The following LOXL1 variants were observed in gnomAD, a reference collection of about 807,000 sequenced individuals.
LOXL1 encodes lysyl oxidase like 1.
Under a neutral mutation model 62.2 loss-of-function variants are expected in LOXL1, and 31 were observed. That is an observed-to-expected ratio of 0.50 (90% confidence interval 0.37 to 0.67). LOXL1 has a LOEUF of 0.67. LOXL1 is among the 30% of genes least tolerant of loss of function. The probability of loss-of-function intolerance (pLI) is 0.00; values close to 1 mark genes in which losing one functional copy is unlikely to be tolerated. For synonymous variants in LOXL1, 403 were observed against 384.4 expected, an observed-to-expected ratio of 1.05 and a Z score of -0.56; for missense variants, 775 against 843.4, an observed-to-expected ratio of 0.92 and a Z score of 1.00.
intron 1 of LOXL1, among the ~76,000 whole-genome samples, chr15:73,932,404 T>G (rs1416588030): frequency 6.6e-6 from 1 of 152,106 alleles, no homozygotes; most frequent in Non-Finnish European, 1.5e-5. Context: ...AAAAAAAAAA[T>G]TTATATATTA....
In LOXL1 at chr15:73,951,861, A is replaced by G. The variant is rs777254353; in HGVS notation, c.*24A>G. The G allele has an allele frequency of 3.9e-6, 6 of 1,530,306 alleles. No homozygotes were observed. The highest frequency in any genetic ancestry group is 3.8e-5 in the Admixed American group (2 of 52,242). The allele number at this position is 1,530,306 out of a possible 1,614,324, so 94.8% of individuals were successfully genotyped here. On this transcript the variant is annotated 3_prime_UTR_variant, in exon 7 of 7. Coordinates refer to ENST00000261921, the MANE Select transcript of LOXL1 (RefSeq NM_005576.4). ...GATCTCCGGGAGGGACAGATGGCCA[A>G]TCTCTCCCCTTCCAAAGCAGGCCCT...
intron 1 of LOXL1, among the ~76,000 whole-genome samples, chr15:73,941,562 C>G (rs1252141737): frequency 6.6e-6 from 1 of 152,204 alleles, no homozygotes; most frequent in East Asian, 1.9e-4. Context: ...CCTGCTCTCA[C>G]CCTTCCTGAA....
rs2068739583 is a variant in LOXL1, at chr15:73,945,139, C to T, written c.1212-1278C>T. Among the ~76,000 whole-genome samples, 1 of 152,214 alleles carries T rather than the reference C, an allele frequency of 6.6e-6. No individual in the cohort carries two copies. Among genetic ancestry groups the T allele is most frequent in the South Asian group, 2.1e-4 (1 of 4,834 alleles). On this transcript the variant is annotated intron_variant, in intron 2 of 6. Coordinates refer to ENST00000261921, the MANE Select transcript of LOXL1 (RefSeq NM_005576.4). The surrounding 1 kb of genome is among the most constrained non-coding windows in gnomAD (Gnocchi z 4.3). Reference sequence around the variant, plus strand: ...CCCCTCACTGCAGCCCCTCGTTCCTCTTTCCACCCTTTTCCTTTTGTCACA... The same window carrying T: ...CCCCTCACTGCAGCCCCTCGTTCCTTTTTCCACCCTTTTCCTTTTGTCACA...
rs974340832 is a variant in LOXL1, at chr15:73,927,954, C to T, written c.1102+69C>T. The T allele has an allele frequency of 1.5e-4, 193 of 1,253,900 alleles. 1 individual carries two copies. The highest frequency in any genetic ancestry group is 2.8e-4 in the African/African-American group (18 of 64,010). The allele number at this position is 1,253,900 out of a possible 1,614,324, so 77.7% of individuals were successfully genotyped here. A position where few individuals can be genotyped will look rare whatever the true frequency, so the allele number is the denominator to read the frequency against. On this transcript the variant is annotated intron_variant, in intron 1 of 6. Coordinates refer to ENST00000261921, the MANE Select transcript of LOXL1 (RefSeq NM_005576.4). ...CCACTGGAAACTGCTCCGGGCCCCC[C>T]GGGCCCCTCCTTAGAACTTCCTGGA...
chr15:73,926,936 G>A lies in LOXL1; in HGVS notation c.153G>A (p.Val51=), dbSNP rs148248187. Residue 51 remains valine (V), a synonymous_variant, in exon 1 of 7, where the codon GTG becomes GTA. Coordinates refer to ENST00000261921, the MANE Select transcript of LOXL1 (RefSeq NM_005576.4). ...QLIQWENNGQ[V]YSLLNSGSEY... The stretch of plus-strand genomic sequence containing the variant: ...TCCAGTGGGAGAACAACGGGCAGGT[G>A]TACAGCTTGCTCAACTCGGGCTCAG... 5.8e-6 allele frequency: 9 copies of A among 1,564,814 alleles called. No individual in the cohort carries two copies. Among genetic ancestry groups the A allele is most frequent in the Non-Finnish European group, 6.9e-6 (8 of 1,156,492 alleles).
In LOXL1 at chr15:73,945,721, T is replaced by TC. The variant is rs2068742888; in HGVS notation, c.1212-695dup. Among the ~76,000 whole-genome samples, 2 of 151,922 alleles carry TC rather than the reference T, an allele frequency of 1.3e-5. No homozygotes were observed. Among genetic ancestry groups the TC allele is most frequent in the Non-Finnish European group, 2.9e-5 (2 of 67,980 alleles). On this transcript the variant is annotated intron_variant, in intron 2 of 6. Transcript: ENST00000261921. This position sits in a 1 kb window ranked among gnomAD's most constrained non-coding sequence, Gnocchi z 4.3. Reference sequence around the variant, plus strand: ...ATCTCCTGGATAGGACTTTTTTTTTTCTTTTTTTTAGAAAGGGGGTCTCAC... The same window carrying TC: ...ATCTCCTGGATAGGACTTTTTTTTTTCCTTTTTTTTAGAAAGGGGGTCTCAC...
rs558873064 is a variant in LOXL1 at position 73,945,151 on chromosome 15, T to C, written c.1212-1266T>C. ...GCCCCTCGTTCCTCTTTCCACCCTT[T>C]TCCTTTTGTCACAAGGCCTACCTCA... On this transcript the variant is annotated intron_variant, in intron 2 of 6. Coordinates refer to ENST00000261921, the MANE Select transcript of LOXL1 (RefSeq NM_005576.4). The surrounding 1 kb of genome is among the most constrained non-coding windows in gnomAD (Gnocchi z 4.3). Among the ~76,000 whole-genome samples the C allele has an allele frequency of 5.4e-4, 83 of 152,326 alleles. No homozygotes were observed. The highest frequency in any genetic ancestry group is 1.7e-3 in the South Asian group (8 of 4,828).
rs1225390403 is a variant in LOXL1 at position 73,930,042 on chromosome 15, C to A, written c.1102+2157C>A. Among the ~76,000 whole-genome samples the A allele has an allele frequency of 6.6e-6, 1 of 152,198 alleles. No homozygotes were observed. Among genetic ancestry groups the A allele is most frequent in the East Asian group, 1.9e-4 (1 of 5,188 alleles). The stretch of plus-strand genomic sequence containing the variant: ...GCAGACCTCTGGCCACTACCCTGAG[C>A]CCCACAGTTCATTTTGGGTCAAAAA... On this transcript the variant is annotated intron_variant, in intron 1 of 6. Coordinates refer to ENST00000261921, the MANE Select transcript of LOXL1 (RefSeq NM_005576.4). The surrounding 1 kb of genome is among the most constrained non-coding windows in gnomAD (Gnocchi z 4.7).
rs1449563441 is a variant in LOXL1 at position 73,927,406 on chromosome 15, C to CGGGCGGCGGCGTGGGCGCGG, written c.634_653dup (p.Val219TrpfsTer215). The stretch of plus-strand genomic sequence containing the variant: ...CAGGGTTTCGTGTACTACCGGCCCG[C>CGGGCGGCGGCGTGGGCGCGG]GGGCGGCGGCGTGGGCGCGGGGGCG... On this transcript the variant is annotated frameshift_variant, in exon 1 of 7. Transcript: ENST00000261921. LOFTEE classifies it high-confidence loss of function. 7.8e-6 allele frequency: 12 copies of CGGGCGGCGGCGTGGGCGCGG among 1,541,044 alleles called. No homozygotes were observed. The highest frequency in any genetic ancestry group is 1.0e-5 in the Non-Finnish European group (12 of 1,146,092).
Position 73,947,115 on chromosome 15 carries a change from A to G in LOXL1, c.1398A>G (p.Ala466=). The change falls in exon 4 of 7, where the codon GCA becomes GCG. Residue 466 remains alanine, a synonymous_variant. Transcript: ENST00000261921. ...DEFSHYDLLD[A]ATGKKVAEGH... The stretch of plus-strand genomic sequence containing the variant: ...TCAGCCACTACGACCTACTGGATGC[A>G]GCCACAGGCAAGAAGGTGGCCGAGG... The G allele has an allele frequency of 2.5e-6, 4 of 1,613,568 alleles. No individual in the cohort carries two copies. The highest frequency in any genetic ancestry group is 3.4e-6 in the Non-Finnish European group (4 of 1,179,542).
intron 1 of LOXL1, among the ~76,000 whole-genome samples, chr15:73,928,423 G>A (rs2068608852): frequency 6.6e-6 from 1 of 152,180 alleles, no homozygotes; most frequent in Non-Finnish European, 1.5e-5. Context: ...TGCGCAGGAG[G>A]TTAGAGGGGA....
At position 73,946,393 on chromosome 15, in the gene LOXL1, T is replaced by G; in HGVS notation, c.1212-24T>G. 1.5e-5 allele frequency: 20 copies of G among 1,301,458 alleles called. No individual in the cohort carries two copies. Among genetic ancestry groups the G allele is most frequent in the Non-Finnish European group, 2.2e-5 (20 of 919,720 alleles). 80.6% of individuals were successfully genotyped at this position (1,301,458 alleles called of 1,614,324 possible). A position where few individuals can be genotyped will look rare whatever the true frequency, so the allele number is the denominator to read the frequency against. The stretch of plus-strand genomic sequence containing the variant: ...GGTGTCACTGTGCCCCAACCCCCCC[T>G]CATCTCCCCCGCCGTCCCTGCAGCA... On this transcript the variant is annotated intron_variant, in intron 2 of 6. Transcript: ENST00000261921.
chr15:73,947,122 G>A lies in LOXL1; in HGVS notation c.1405G>A (p.Gly469Ser). ...SHYDLLDAAT[G>S]KKVAEGHKAS... ...CTACGACCTACTGGATGCAGCCACA[G>A]GCAAGAAGGTGGCCGAGGGCCACAA... The change falls in exon 4 of 7, where the codon GGC (glycine) becomes AGC (serine). Residue 469 changes from glycine to serine, a missense_variant. Transcript: ENST00000261921. 6.2e-7 allele frequency: 1 copy of A among 1,613,802 alleles called. No homozygotes were observed. Among genetic ancestry groups the A allele is most frequent in the East Asian group, 2.2e-5 (1 of 44,870 alleles).
Position 73,927,140 on chromosome 15 carries a change from C to A in LOXL1, c.357C>A (p.Phe119Leu). 1 of 1,457,216 alleles carries A rather than the reference C, an allele frequency of 6.9e-7. No individual in the cohort carries two copies. Among genetic ancestry groups the A allele is most frequent in the South Asian group, 1.4e-5 (1 of 71,616 alleles). 90.3% of individuals were successfully genotyped at this position (1,457,216 alleles called of 1,614,324 possible). A position where few individuals can be genotyped will look rare whatever the true frequency, so the allele number is the denominator to read the frequency against. Reference protein sequence around the residue: ...DTVRGQARHPFGFGQVPDNWR... With the variant: ...DTVRGQARHPLGFGQVPDNWR... ...TGCGCGGCCAGGCGCGGCACCCATT[C>A]GGCTTTGGCCAGGTGCCCGACAACT... Residue 119 changes from phenylalanine (F) to leucine (L), a missense_variant, in exon 1 of 7, where the codon TTC becomes TTA. By Grantham distance (22) the Phe-to-Leu change is conservative. Coordinates refer to ENST00000261921, the MANE Select transcript of LOXL1 (RefSeq NM_005576.4).
At chr15:73,939,561 C>T (rs2068699284) in intron 1 of LOXL1, among the ~76,000 whole-genome samples, 1 of 152,158 alleles carries the variant, frequency 6.6e-6, no homozygotes, top group African/African-American at 2.4e-5. Context: ...CATAACTAAT[C>T]TACAGTGATT....
chr15:73,935,907 A>ACTGT (rs2068667543), intron 1 of LOXL1, among the ~76,000 whole-genome samples: 1 of 145,060 alleles, frequency 6.9e-6, no homozygotes, highest in Non-Finnish European at 1.5e-5. Flanking sequence ...GGAGCTAAAG[A>ACTGT]CTGTGTGCCT....
chr15:73,934,403 A>G (rs1020795251), intron 1 of LOXL1, among the ~76,000 whole-genome samples: 2 of 152,190 alleles, frequency 1.3e-5, no homozygotes, highest in African/African-American at 2.4e-5. Context: ...CCTGGCAGTG[A>G]GAAAACAGAC....
Position 73,927,208 on chromosome 15 carries a change from C to T in LOXL1, c.425C>T (p.Ala142Val). 3 of 1,593,370 alleles carry T rather than the reference C, an allele frequency of 1.9e-6. No homozygotes were observed. Among genetic ancestry groups the T allele is most frequent in the South Asian group, 2.2e-5 (2 of 89,638 alleles). The change falls in exon 1 of 7, where the codon GCC becomes GTC. Residue 142 changes from alanine to valine, a missense_variant. Physicochemically the swap from Ala to Val is moderately conservative, Grantham distance 64 (BLOSUM62 0). Coordinates refer to ENST00000261921, the MANE Select transcript of LOXL1 (RefSeq NM_005576.4). ...GGGGACAGCACGGGCATGGCCCGGG[C>T]CCGCACCTCCGTCTCCCAGCAACGG... ...AVGDSTGMARARTSVSQQRHG... is the reference protein window; with the variant it reads ...AVGDSTGMARVRTSVSQQRHG...
Position 73,926,724 on chromosome 15 carries a change from C to A in LOXL1, c.-60C>A. The A allele has an allele frequency of 7.4e-7, 1 of 1,353,336 alleles. No individual in the cohort carries two copies. The highest frequency in any genetic ancestry group is 9.5e-7 in the Non-Finnish European group (1 of 1,047,778). 83.8% of individuals were successfully genotyped at this position (1,353,336 alleles called of 1,614,324 possible). A position where few individuals can be genotyped will look rare whatever the true frequency, so the allele number is the denominator to read the frequency against. On this transcript the variant is annotated 5_prime_UTR_variant, in exon 1 of 7. Coordinates refer to ENST00000261921, the MANE Select transcript of LOXL1 (RefSeq NM_005576.4). ...CCTCGAGGCCGTGGGAAGAGAAGCA[C>A]GCCCAGGGGGCCACTCCTGAGAGCC...
Sources: allele counts gnomAD v4.1 joint callset (sites outside exome capture counted in the v4.1 genomes callset), GRCh38; gene constraint gnomAD v4.1.1; non-coding constraint Gnocchi (gnomAD v3.1); transcripts MANE v1.5; gene names NCBI Gene and HGNC (gene_info 2026-07-23, HGNC 2026-07-21).